Variants in CHODL observed in about 807,000 individuals in gnomAD.
CHODL encodes transmembrane protein MT75.
A neutral mutation model predicts 34.5 loss-of-function variants in CHODL; 29 were observed. The ratio of observed to expected loss-of-function variants is 0.84; its 90% CI spans 0.63 to 1.15. CHODL has a LOEUF of 1.15. Among genes scored for constraint, CHODL ranks in the 50% most tolerant of loss-of-function variants. CHODL has a pLI of 0.00. For synonymous variants in CHODL, 125 were observed against 116.1 expected, an observed-to-expected ratio of 1.08 and a Z score of -0.49; for missense variants, 332 against 332.5, an observed-to-expected ratio of 1.00 and a Z score of 0.01.
At chr21:17,940,481 G>A (rs1372793717) in intron 1 of CHODL, among the ~76,000 whole-genome samples, 2 of 152,156 alleles carry the variant, frequency 1.3e-5, no homozygotes, top group Non-Finnish European at 2.9e-5. Context: ...CTGAGATGAA[G>A]CAATCTTATA....
At chr21:18,177,893 A>C (rs2073336116) in intron 2 of CHODL, among the ~76,000 whole-genome samples, 1 of 152,176 alleles carries the variant, frequency 6.6e-6, no homozygotes, top group African/African-American at 2.4e-5. Context: ...CTGGTTTAGA[A>C]TAAACAAATT....
At chr21:18,143,187 G>T (rs1161525348) in intron 2 of CHODL, among the ~76,000 whole-genome samples, 1 of 152,188 alleles carries the variant, frequency 6.6e-6, no homozygotes, top group African/African-American at 2.4e-5. Context: ...GGCACGAAGT[G>T]CTAGGAGCAT....
At chr21:18,154,106 C>T (rs1435178099) in intron 2 of CHODL, among the ~76,000 whole-genome samples, 7 of 151,738 alleles carry the variant, frequency 4.6e-5, no homozygotes, top group Admixed American at 2.6e-4. Flanking sequence ...AGCTATGTGC[C>T]CAGCCTGGAG....
intron 2 of CHODL, among the ~76,000 whole-genome samples, chr21:18,086,599 TTTGG>T (rs1422898344): frequency 6.6e-6 from 1 of 152,224 alleles, no homozygotes; most frequent in Non-Finnish European, 1.5e-5. Context: ...GTATGACTAC[TTTGG>T]TTGTACACAG....
At chr21:18,034,696 A>G (rs1290767826) in intron 2 of CHODL, 1 of 152,072 alleles carries the variant, frequency 6.6e-6, no homozygotes, top group Non-Finnish European at 1.5e-5. Context: ...TCAGCAGGCA[A>G]TCTGAATTTA....
At chr21:18,014,157 G>A (rs888460209) in intron 1 of CHODL, among the ~76,000 whole-genome samples, 3 of 152,134 alleles carry the variant, frequency 2.0e-5, no homozygotes, top group African/African-American at 7.2e-5. Flanking sequence ...GAGAGCAAAG[G>A]AAACCACATG....
chr21:18,074,772 G>A (rs1300749282), intron 2 of CHODL, among the ~76,000 whole-genome samples: 2 of 152,086 alleles, frequency 1.3e-5, no homozygotes, highest in Non-Finnish European at 2.9e-5. Flanking sequence ...AAGTCTTCAG[G>A]CTGAGTCAGA....
At chr21:18,111,172 AT>A (rs1444177575) in intron 2 of CHODL, among the ~76,000 whole-genome samples, 5 of 152,212 alleles carry the variant, frequency 3.3e-5, no homozygotes, top group African/African-American at 1.2e-4. Flanking sequence ...GCTCCTGGAG[AT>A]TCTTCAGAGT....
intron 2 of CHODL, among the ~76,000 whole-genome samples, chr21:18,187,771 C>T (rs1378333137): frequency 6.6e-6 from 1 of 152,092 alleles, no homozygotes; most frequent in African/African-American, 2.4e-5. Context: ...TCTCTGCTGC[C>T]CTTTTATCAT....
intron 2 of CHODL, among the ~76,000 whole-genome samples, chr21:18,110,044 T>A (rs556091180): frequency 6.6e-6 from 1 of 152,218 alleles, no homozygotes; most frequent in Non-Finnish European, 1.5e-5. Context: ...AGTGTTGTGC[T>A]GAGGATGGGG....
At chr21:18,175,182 A>G (rs1164899072) in intron 2 of CHODL, among the ~76,000 whole-genome samples, 2 of 152,238 alleles carry the variant, frequency 1.3e-5, no homozygotes, top group African/African-American at 2.4e-5. Context: ...AAATTGCAGT[A>G]CAGATGCATT....
intron 2 of CHODL, among the ~76,000 whole-genome samples, chr21:18,213,414 G>T (rs191274073): frequency 6.6e-6 from 1 of 151,964 alleles, no homozygotes; most frequent in African/African-American, 2.4e-5. Flanking sequence ...CTAAACAACC[G>T]AATGCTATTA....
chr21:18,193,595 C>G (rs2073540277), intron 2 of CHODL, among the ~76,000 whole-genome samples: 1 of 151,414 alleles, frequency 6.6e-6, no homozygotes, highest in African/African-American at 2.4e-5. Context: ...ACTTGAGAGG[C>G]TGAGGCAGGA....
intron 2 of CHODL, among the ~76,000 whole-genome samples, chr21:18,138,928 T>A (rs757264223): frequency 6.6e-6 from 1 of 152,102 alleles, no homozygotes; most frequent in African/African-American, 2.4e-5. Flanking sequence ...CAGTTGTAGA[T>A]ACAGGCATGG....
chr21:18,072,606 A>G (rs1036293152), intron 2 of CHODL, among the ~76,000 whole-genome samples: 7 of 152,114 alleles, frequency 4.6e-5, no homozygotes, highest in Non-Finnish European at 8.8e-5. Context: ...TACAGTCCTA[A>G]TTTTGTGTAT....
intron 1 of CHODL, among the ~76,000 whole-genome samples, chr21:18,026,212 C>A (rs987604665): frequency 2.0e-5 from 3 of 152,166 alleles, no homozygotes; most frequent in Non-Finnish European, 4.4e-5. Context: ...ACAAATACGT[C>A]AACCTCAGAG....
At chr21:17,962,736 A>G (rs1038717056) in intron 1 of CHODL, among the ~76,000 whole-genome samples, 3 of 152,222 alleles carry the variant, frequency 2.0e-5, no homozygotes, top group African/African-American at 7.2e-5. Context: ...AAATATAGTG[A>G]ATGGTTAATA....
intron 2 of CHODL, among the ~76,000 whole-genome samples, chr21:18,123,694 G>C (rs1601033701): frequency 6.6e-6 from 1 of 151,990 alleles, no homozygotes; most frequent in African/African-American, 2.4e-5. Context: ...TATAATGGAG[G>C]AGCCCTATGA....
chr21:18,187,535 C>T (rs367584065), intron 2 of CHODL, among the ~76,000 whole-genome samples: 140 of 152,250 alleles, frequency 9.2e-4, no homozygotes, highest in Middle Eastern at 6.8e-3. Flanking sequence ...CTGTTTCCTT[C>T]TTCTTCCATC....
Sources: allele counts gnomAD v4.1 joint callset (sites outside exome capture counted in the v4.1 genomes callset), GRCh38; gene constraint gnomAD v4.1.1; transcripts MANE v1.5; gene names NCBI Gene and HGNC (gene_info 2026-07-23, HGNC 2026-07-21).